The following GRHL2 variants were observed in gnomAD, a reference collection of about 807,000 sequenced individuals.
GRHL2 encodes the protein grainyhead like transcription factor 2.
GRHL2 carries 21 observed loss-of-function variants against 83.8 expected under a neutral mutation model. The observed-to-expected ratio is 0.25, with a 90% CI of 0.18 to 0.36. The LOEUF is 0.36. Among genes scored for constraint, GRHL2 ranks in the 10% least tolerant of loss-of-function variants. The pLI is 1.00. For missense variants in GRHL2, 623 were observed against 781.8 expected (o/e 0.80, Z 2.42); for synonymous variants, 280 against 278.9 (o/e 1.00, Z -0.04).
intron 11 of GRHL2, among the ~76,000 whole-genome samples, chr8:101,634,201 C>T (rs554539137): frequency 3.4e-4 from 52 of 152,174 alleles, no homozygotes; most frequent in Non-Finnish European, 6.9e-4. Flanking sequence ...TCAGGCTTCT[C>T]CCATGGCCTT....
intron 1 of GRHL2, among the ~76,000 whole-genome samples, chr8:101,518,956 C>T (rs992569386): frequency 1.3e-5 from 2 of 152,174 alleles, no homozygotes; most frequent in African/African-American, 2.4e-5. Context: ...CCATTTCCCC[C>T]ACTGGCCTCG....
At chr8:101,677,836 G>A in the GRHL2 span, among the ~76,000 whole-genome samples, 4 of 152,028 alleles carry the variant, frequency 2.6e-5, no homozygotes, top group South Asian at 2.1e-4. Flanking sequence ...CCTAAGTCCT[G>A]GACATGTGGT....
intron 12 of GRHL2, among the ~76,000 whole-genome samples, chr8:101,637,494 A>T (rs141830607): frequency 1.1e-3 from 160 of 152,340 alleles, no homozygotes; most frequent in Non-Finnish European, 1.7e-3. Flanking sequence ...ATGTCTCCAC[A>T]TCCTGAATGT....
intron 8 of GRHL2, among the ~76,000 whole-genome samples, chr8:101,605,490 A>G (rs1220139489): frequency 6.6e-6 from 1 of 152,216 alleles, no homozygotes; most frequent in Non-Finnish European, 1.5e-5. Flanking sequence ...ATCCAGAAAG[A>G]AAGAAAATGA....
intron 8 of GRHL2, among the ~76,000 whole-genome samples, chr8:101,607,689 C>T (rs1184206887): frequency 6.6e-6 from 1 of 152,128 alleles, no homozygotes; most frequent in African/African-American, 2.4e-5. Context: ...TTGCACACTG[C>T]AAAGCAGGGC....
intron 9 of GRHL2, among the ~76,000 whole-genome samples, 186 bp downstream of exon 9, chr8:101,619,883 ATT>A (rs11373924): frequency 1.3e-4 from 17 of 129,316 alleles, no homozygotes; most frequent in Admixed American, 3.1e-4. Context: ...TCAGTCAACT[ATT>A]TTTTTTTTTT....
intron 11 of GRHL2, among the ~76,000 whole-genome samples, chr8:101,632,750 A>G (rs57645087): frequency 0.11 from 16,102 of 152,268 alleles, 2,398 homozygotes; most frequent in African/African-American, 0.33. Flanking sequence ...GTTGCACAAG[A>G]GGGAAGTCTC....
chr8:101,536,506 T>A (rs17397776), intron 1 of GRHL2, among the ~76,000 whole-genome samples: 66,166 of 152,114 alleles, frequency 0.43, 17,003 homozygotes, highest in Non-Finnish European at 0.57. Flanking sequence ...TCTGTCTACA[T>A]TGGGATACTT....
intron 8 of GRHL2, among the ~76,000 whole-genome samples, chr8:101,605,719 T>C (rs7824065): frequency 0.51 from 77,380 of 152,032 alleles, 21,608 homozygotes; most frequent in African/African-American, 0.74. Context: ...GATGTGGGAG[T>C]GAAAACTCCT....
downstream of GRHL2, among the ~76,000 whole-genome samples, chr8:101,670,489 G>T (rs568600121): frequency 6.6e-6 from 1 of 152,334 alleles, no homozygotes; most frequent in Non-Finnish European, 1.5e-5. Context: ...CCAGGGACTG[G>T]GAAGTGAGGG....
At chr8:101,567,652 G>A (rs572492521) in intron 4 of GRHL2, among the ~76,000 whole-genome samples, 81 of 152,320 alleles carry the variant, frequency 5.3e-4, no homozygotes, top group Non-Finnish European at 7.8e-4. Context: ...ATGGAACTGT[G>A]AAAAATGTTT....
chr8:101,533,452 G>T (rs180777421), intron 1 of GRHL2, among the ~76,000 whole-genome samples: 1 of 152,078 alleles, frequency 6.6e-6, no homozygotes, highest in Admixed American at 6.5e-5. Context: ...CAAGTATGTC[G>T]CAGGCACTGT....
intron 10 of GRHL2, 112 bp downstream of exon 10, chr8:101,631,836 A>C: frequency 1.1e-6 from 1 of 870,718 alleles, no homozygotes; most frequent in East Asian, 2.6e-5. Flanking sequence ...CATGCAAGGC[A>C]TGGTTTGCTT....
intron 7 of GRHL2, among the ~76,000 whole-genome samples, chr8:101,585,001 G>C (rs1318243525): frequency 6.6e-6 from 1 of 152,032 alleles, no homozygotes; most frequent in Non-Finnish European, 1.5e-5. Context: ...GTAGCCAGGT[G>C]ATCAGGTAGC....
intron 14 of GRHL2, among the ~76,000 whole-genome samples, chr8:101,658,369 A>C (rs1813844733): frequency 6.6e-6 from 1 of 152,160 alleles, no homozygotes; most frequent in Admixed American, 6.5e-5. Context: ...GCCACTTACT[A>C]GCTGAGGGAT....
At chr8:101,678,674 A>G in the GRHL2 span, among the ~76,000 whole-genome samples, 1,167 of 150,940 alleles carry the variant, frequency 7.7e-3, 18 homozygotes, top group African/African-American at 0.025. Flanking sequence ...GCAGACTTAA[A>G]TGTCCCTGTC....
chr8:101,595,768 A>G (rs1301803931), intron 7 of GRHL2, among the ~76,000 whole-genome samples: 3 of 54,544 alleles, frequency 5.5e-5, no homozygotes, highest in Non-Finnish European at 2.3e-4. Flanking sequence ...TACCCTAAGA[A>G]AAAAAAAATG....
chr8:101,500,162 G>C (rs1810195630), intron 1 of GRHL2, among the ~76,000 whole-genome samples: 1 of 152,096 alleles, frequency 6.6e-6, no homozygotes, highest in Non-Finnish European at 1.5e-5. Flanking sequence ...ACCTGATAAA[G>C]GGTAGTGATT....
intron 12 of GRHL2, among the ~76,000 whole-genome samples, chr8:101,639,964 A>G (rs922191684): frequency 1.3e-5 from 2 of 152,218 alleles, no homozygotes; most frequent in Admixed American, 1.3e-4. Context: ...TGAGGATATA[A>G]CACACAAGAG....
Sources: allele counts gnomAD v4.1 joint callset (sites outside exome capture counted in the v4.1 genomes callset), GRCh38; gene constraint gnomAD v4.1.1; transcripts MANE v1.5; gene names NCBI Gene and HGNC (gene_info 2026-07-23, HGNC 2026-07-21).